The following NUP93 variants were observed in gnomAD, a reference collection of about 807,000 sequenced individuals.
The protein encoded by NUP93 is nucleoporin 93, also known as nuclear pore complex protein Nup93.
NUP93 carries 55 observed loss-of-function variants against 107.8 expected under a neutral mutation model. The observed-to-expected ratio is 0.51, with a 90% CI of 0.41 to 0.64. The LOEUF (loss-of-function observed/expected upper bound fraction) is 0.64. NUP93 is among the 30% of genes least tolerant of loss of function. NUP93 has a pLI of 0.00. For missense variants in NUP93, 937 were observed against 1,044.7 expected, an observed-to-expected ratio of 0.90 and a Z score of 1.42; for synonymous variants, 390 against 397.5, an observed-to-expected ratio of 0.98 and a Z score of 0.22.
intron 1 of NUP93, among the ~76,000 whole-genome samples, chr16:56,735,828 CAA>C (rs58346838): frequency 1.8e-4 from 19 of 106,898 alleles, no homozygotes; most frequent in Admixed American, 1.9e-4. Context: ...AACTCCGTCT[CAA>C]AAAAAAAAAA....
At chr16:56,823,988 T>C in intron 8 of NUP93, 142 bp downstream of exon 8, 1 of 1,104,752 alleles carries the variant, frequency 9.1e-7, no homozygotes, top group Non-Finnish European at 1.3e-6. Context: ...GGTTCAGAGT[T>C]GTAATCCTGT....
At chr16:56,829,855 TC>T (rs1963744262) in intron 9 of NUP93, among the ~76,000 whole-genome samples, 1 of 151,976 alleles carries the variant, frequency 6.6e-6, no homozygotes, top group African/African-American at 2.4e-5. Flanking sequence ...TTAGAAAGAG[TC>T]CTGTTGAGGG....
chr16:56,805,517 C>T lies in NUP93; in HGVS notation c.374C>T (p.Ala125Val). 6.2e-7 allele frequency: 1 copy of T among 1,614,008 alleles called. No homozygotes were observed. Among genetic ancestry groups the T allele is most frequent in the Non-Finnish European group, 8.5e-7 (1 of 1,179,964 alleles). The change falls in exon 5 of 22, where the codon GCT becomes GTT. Residue 125 changes from alanine (A) to valine (V), a missense_variant. Transcript: ENST00000308159. ...CCTTTCTGGCAGACCTTCGGCATGGCTGAGGAGTACCATCGGGAGTCAATG... is the reference window on the plus strand; with the variant it reads ...CCTTTCTGGCAGACCTTCGGCATGGTTGAGGAGTACCATCGGGAGTCAATG... ...EESRKRTFGM[A>V]EEYHRESMLV...
chr16:56,798,212 A>C (rs1371753778), intron 3 of NUP93, among the ~76,000 whole-genome samples: 2 of 152,212 alleles, frequency 1.3e-5, no homozygotes, highest in African/African-American at 4.8e-5. Flanking sequence ...TTGACTTTCC[A>C]CTTTTTACAT....
chr16:56,815,983 A>G (rs1248872328), intron 5 of NUP93, among the ~76,000 whole-genome samples: 2 of 151,642 alleles, frequency 1.3e-5, no homozygotes, highest in African/African-American at 4.8e-5. Flanking sequence ...TCTGTGATGA[A>G]TGTTTTTGGA....
intron 3 of NUP93, among the ~76,000 whole-genome samples, chr16:56,793,753 C>T (rs1465398787): frequency 1.3e-5 from 2 of 152,082 alleles, no homozygotes; most frequent in Non-Finnish European, 2.9e-5. Flanking sequence ...AACTCACTGC[C>T]ACTAGATGGC....
chr16:56,830,833 CT>C (rs1334441364), intron 10 of NUP93, 148 bp downstream of exon 10: 2 of 665,584 alleles, frequency 3.0e-6, no homozygotes, highest in African/African-American at 3.6e-5. Context: ...ATAGAACTCT[CT>C]TGGGAATAAG....
At chr16:56,797,596 G>A (rs1302085690) in intron 3 of NUP93, among the ~76,000 whole-genome samples, 3 of 152,164 alleles carry the variant, frequency 2.0e-5, no homozygotes. Flanking sequence ...ATGAACAGCA[G>A]CAAAGAGGTC....
chr16:56,748,216 A>G lies in NUP93; in HGVS notation c.-14-18A>G. ...TCTTTCCCTTGATTTAGATCTTTTC[A>G]TTTTTTCTCCCATCTAGGATCTGCA... On this transcript the variant is annotated intron_variant, in intron 1 of 21. Coordinates refer to ENST00000308159, the MANE Select transcript of NUP93 (RefSeq NM_014669.5). 5 of 1,541,838 alleles carry G rather than the reference A, an allele frequency of 3.2e-6. No individual in the cohort carries two copies. Among genetic ancestry groups the G allele is most frequent in the Non-Finnish European group, 4.4e-6 (5 of 1,131,880 alleles).
At chr16:56,819,420 T>C (rs1963498440) in intron 6 of NUP93, among the ~76,000 whole-genome samples, 1 of 152,230 alleles carries the variant, frequency 6.6e-6, no homozygotes, top group Non-Finnish European at 1.5e-5. Context: ...AGGAAAAATA[T>C]CCTGTTTCTT....
Position 56,844,563 on chromosome 16 carries a change from G to C in NUP93, c.2414G>C (p.Gly805Ala). Residue 805 changes from glycine to alanine, a missense_variant, in exon 22 of 22, where the codon GGG becomes GCG. Physicochemically the swap from Gly to Ala is moderately conservative, Grantham distance 60 (BLOSUM62 0). Transcript: ENST00000308159. ...GGAATGATACCATACCGAACGTCTGGGGACACCAATGCGAGGCTGGTGCAG... is the reference window on the plus strand; with the variant it reads ...GGAATGATACCATACCGAACGTCTGCGGACACCAATGCGAGGCTGGTGCAG... ...FAGMIPYRTS[G>A]DTNARLVQME... 6.3e-7 allele frequency: 1 copy of C among 1,587,530 alleles called. No individual in the cohort carries two copies.
intron 3 of NUP93, among the ~76,000 whole-genome samples, chr16:56,789,669 A>G (rs1567389287): frequency 6.6e-6 from 1 of 152,272 alleles, no homozygotes; most frequent in African/African-American, 2.4e-5. Context: ...AAGAAATCAT[A>G]TAACAGCATT....
chr16:56,745,810 G>C (rs773535640), intron 1 of NUP93, among the ~76,000 whole-genome samples: 9 of 152,134 alleles, frequency 5.9e-5, no homozygotes, highest in Non-Finnish European at 7.3e-5. Flanking sequence ...TTTTACCATT[G>C]TCAAAAACAA....
chr16:56,788,880 A>G (rs1200487296), intron 3 of NUP93, among the ~76,000 whole-genome samples: 2 of 152,208 alleles, frequency 1.3e-5, no homozygotes, highest in African/African-American at 2.4e-5. Flanking sequence ...CACCACAGGA[A>G]TGGCATGTCC....
At chr16:56,741,549 A>G (rs1316911182) in intron 1 of NUP93, among the ~76,000 whole-genome samples, 1 of 152,122 alleles carries the variant, frequency 6.6e-6, no homozygotes, top group Non-Finnish European at 1.5e-5. Flanking sequence ...CATTTCTTTT[A>G]CTGTTATTAA....
rs1962948525 is a variant in NUP93, at chr16:56,798,524, G to A, written c.346G>A (p.Glu116Lys). Residue 116 changes from glutamate (E) to lysine (K), a missense_variant, in exon 4 of 22, where the codon GAG becomes AAG. Glu to Lys is a moderately conservative substitution (Grantham distance 56). Coordinates refer to ENST00000308159, the MANE Select transcript of NUP93 (RefSeq NM_014669.5). ...CAATGCCCTGCTGTCTGCCATCGAAGAGTCCCGGAAGAGGGTAAGAAAATT... is the reference window on the plus strand; with the variant it reads ...CAATGCCCTGCTGTCTGCCATCGAAAAGTCCCGGAAGAGGGTAAGAAAATT... ...KDNALLSAIEESRKRTFGMAE... is the reference protein window; with the variant it reads ...KDNALLSAIEKSRKRTFGMAE... The A allele has an allele frequency of 6.2e-7, 1 of 1,613,982 alleles. No homozygotes were observed. Among genetic ancestry groups the A allele is most frequent in the Admixed American group, 1.7e-5 (1 of 60,002 alleles).
rs71152206 is a variant in NUP93, at chr16:56,839,233, CTTTTTTTTT to C, written c.2136+183_2136+191del. On this transcript the variant is annotated intron_variant, in intron 19 of 21. Transcript: ENST00000308159. ...GACTTAAAAGGAGTTTCCTGTGTGG[CTTTTTTTTT>C]TTTTTTTTTTTTTTTTTTGCCTATT... The C allele has an allele frequency of 8.8e-3, 468 of 52,894 alleles. 5 individuals carry two copies. Among genetic ancestry groups the C allele is most frequent in the African/African-American group, 0.037 (423 of 11,578 alleles). 3.3% of individuals were successfully genotyped at this position (52,894 alleles called of 1,614,324 possible).
intron 3 of NUP93, among the ~76,000 whole-genome samples, chr16:56,793,013 G>A (rs1447206750): frequency 6.6e-6 from 1 of 152,184 alleles, no homozygotes; most frequent in East Asian, 1.9e-4. Context: ...GGCAGGGGAT[G>A]GGGATAGGGG....
intron 1 of NUP93, among the ~76,000 whole-genome samples, chr16:56,742,556 GT>G (rs1297865864): frequency 6.6e-6 from 1 of 152,220 alleles, no homozygotes; most frequent in Admixed American, 6.5e-5. Context: ...GCACAGTTGA[GT>G]AGTTGCTACA....
Sources: gnomAD v4.1 joint callset for allele counts (sites outside exome capture counted in the v4.1 genomes callset) on GRCh38, gnomAD v4.1.1 for gene constraint, MANE v1.5 for transcripts, NCBI Gene and HGNC (gene_info 2026-07-23, HGNC 2026-07-21) for gene names.